Variants in LYAR observed in about 807,000 individuals in gnomAD.
LYAR encodes the protein Ly1 antibody reactive.
Under a neutral mutation model 45.2 loss-of-function variants are expected in LYAR, and 37 were observed. The observed-to-expected ratio is 0.82, with a 90% CI of 0.63 to 1.08. LYAR has a LOEUF of 1.08. Among genes scored for constraint, LYAR ranks in the 50% least tolerant of loss-of-function variants. The probability of loss-of-function intolerance (pLI) is 0.00; values close to 1 mark genes in which losing one functional copy is unlikely to be tolerated. For missense variants in LYAR, 493 were observed against 451.0 expected (o/e 1.09, Z -0.84); for synonymous variants, 176 against 155.1 (o/e 1.14, Z -1.00).
At position 4,267,919 on chromosome 4, in the gene LYAR, T is replaced by C. The variant is rs1718778125; in HGVS notation, c.1110A>G (p.Leu370=). The change falls in exon 10 of 10, where the codon TTA becomes TTG. Residue 370 remains leucine (L), a synonymous_variant. Coordinates refer to ENST00000343470, the MANE Select transcript of LYAR (RefSeq NM_017816.3). ...TCACAAGCTTGACTTTGTCCTTTAATAACTTAAAGGTAGGGTTCTTGCTGA... is the reference window on the plus strand; with the variant it reads ...TCACAAGCTTGACTTTGTCCTTTAACAACTTAAAGGTAGGGTTCTTGCTGA... ...KKISKNPTFK[L]LKDKVKLVK is the part of the protein sequence containing the mutation. 1 of 1,611,846 alleles carries C rather than the reference T, an allele frequency of 6.2e-7. No individual in the cohort carries two copies. Among genetic ancestry groups the C allele is most frequent in the Non-Finnish European group, 8.5e-7 (1 of 1,179,012 alleles).
chr4:4,286,421 C>G (rs1329410327), intron 2 of LYAR, 98 bp downstream of exon 2: 1 of 152,142 alleles, frequency 6.6e-6, no homozygotes, highest in African/African-American at 2.4e-5. Context: ...AGCGTAAATG[C>G]TACAAACTTA....
intron 6 of LYAR, among the ~76,000 whole-genome samples, chr4:4,277,491 C>A (rs1362777975): frequency 6.6e-6 from 1 of 152,170 alleles, no homozygotes; most frequent in East Asian, 1.9e-4. Flanking sequence ...ACACATTTAC[C>A]CATCTGGTAG....
intron 9 of LYAR, 45 bp from the exon 10 acceptor site, chr4:4,268,068 T>C (rs1387578829): frequency 1.3e-6 from 2 of 1,496,980 alleles, no homozygotes; most frequent in East Asian, 4.9e-5. Context: ...ACCTGGAAAA[T>C]TATCTTAAAA....
At chr4:4,273,701 G>C (rs778085278) in intron 7 of LYAR, 32 bp from the exon 8 acceptor site, 2 of 1,421,814 alleles carry the variant, frequency 1.4e-6, no homozygotes, top group South Asian at 2.3e-5. Context: ...TTTTAAAGAA[G>C]ATTTTGCATT....
intron 2 of LYAR, among the ~76,000 whole-genome samples, chr4:4,285,411 C>T (rs1422728929): frequency 1.3e-5 from 2 of 151,684 alleles, no homozygotes; most frequent in Non-Finnish European, 3.0e-5. Context: ...TCAAAGCTTA[C>T]CATTCTAAAA....
At chr4:4,278,519 C>T (rs1719277647) in intron 6 of LYAR, among the ~76,000 whole-genome samples, 1 of 152,186 alleles carries the variant, frequency 6.6e-6, no homozygotes, top group African/African-American at 2.4e-5. Context: ...GAAGGCGCTT[C>T]AAGCACACTG....
rs1185512727 is a variant in LYAR at position 4,283,725 on chromosome 4, G to A, written c.18C>T (p.Cys6=). The change falls in exon 3 of 10, where the codon TGC becomes TGT. Residue 6 remains cysteine, a synonymous_variant. Transcript: ENST00000343470. MVFFT[C]NACGESVKKI... ...TCTTCACTGATTCACCACATGCATT[G>A]CATGTAAAAAATACCATTTTTAGGT... The A allele has an allele frequency of 1.2e-6, 2 of 1,611,200 alleles. No individual in the cohort carries two copies. The highest frequency in any genetic ancestry group is 1.7e-6 in the Non-Finnish European group (2 of 1,179,190).
intron 1 of LYAR, chr4:4,289,553 A>G (rs150665823): frequency 1.1e-3 from 167 of 152,390 alleles, no homozygotes; most frequent in African/African-American, 3.9e-3. Flanking sequence ...TAGATTCTAT[A>G]TGTTATGACA....
intron 8 of LYAR, among the ~76,000 whole-genome samples, chr4:4,272,071 G>T (rs1015194137): frequency 2.0e-5 from 3 of 152,190 alleles, no homozygotes; most frequent in Non-Finnish European, 4.4e-5. Context: ...AGGCTAAGGA[G>T]GGGGTGGGGG....
intron 6 of LYAR, among the ~76,000 whole-genome samples, 160 bp downstream of exon 6, chr4:4,279,287 G>A (rs1002025390): frequency 3.3e-5 from 5 of 152,084 alleles, no homozygotes; most frequent in South Asian, 2.1e-4. Flanking sequence ...AGCCACGATC[G>A]CACCACTGCA....
At chr4:4,275,463 G>A (rs1055725397) in intron 6 of LYAR, among the ~76,000 whole-genome samples, 9 of 149,668 alleles carry the variant, frequency 6.0e-5, no homozygotes, top group Admixed American at 1.3e-4. Context: ...AATGGGGACA[G>A]GGGTCTTGCT....
chr4:4,275,371 ACT>A (rs1196185934), intron 6 of LYAR, among the ~76,000 whole-genome samples: 1 of 152,032 alleles, frequency 6.6e-6, no homozygotes, highest in Non-Finnish European at 1.5e-5. Flanking sequence ...AGAAAATGGT[ACT>A]GTTATTATCA....
chr4:4,274,380 C>G lies in LYAR; in HGVS notation c.819G>C (p.Arg273=). 1 of 1,610,562 alleles carries G rather than the reference C, an allele frequency of 6.2e-7. No individual in the cohort carries two copies. Among genetic ancestry groups the G allele is most frequent in the African/African-American group, 1.3e-5 (1 of 74,918 alleles). Residue 273 remains arginine, a synonymous_variant, in exon 7 of 10, where the codon CGG becomes CGC. Transcript: ENST00000343470. The part of the protein sequence containing the change: ...EARVGAGKRK[R]RHSEVETDSK... The stretch of plus-strand genomic sequence containing the variant: ...CTAGCCACTTACCTTCCGAGTGCCT[C>G]CGCTTCCTCTTCCCTGCGCCCACGC...
chr4:4,279,345 TA>T, intron 6 of LYAR, 101 bp downstream of exon 6: 1 of 811,088 alleles, frequency 1.2e-6, no homozygotes, highest in Non-Finnish European at 2.0e-6. Context: ...AAAATAAAAA[TA>T]AAAAAGAAGG....
intron 8 of LYAR, among the ~76,000 whole-genome samples, chr4:4,271,838 C>T (rs1013071387): frequency 1.3e-5 from 2 of 152,130 alleles, no homozygotes; most frequent in Admixed American, 6.5e-5. Flanking sequence ...TAGAAACCAC[C>T]CAGGTGTCCC....
At chr4:4,279,584 C>G in intron 5 of LYAR, 54 bp from the exon 6 acceptor site, 1 of 1,554,748 alleles carries the variant, frequency 6.4e-7, no homozygotes, top group Non-Finnish European at 8.9e-7. Context: ...CAGGTACACA[C>G]AAGCTCAGTC....
In LYAR at chr4:4,268,522, T is replaced by G. The variant is rs1214335373; in HGVS notation, c.1005+8A>C. ...TGTTAGACACGTGGGTTTGTTCATA[T>G]GCCATACCTTTTTCCTTAGCTTTTT... On this transcript the variant is annotated splice_region_variant and intron_variant, in intron 9 of 9. Transcript: ENST00000343470. The G allele has an allele frequency of 1.9e-6, 3 of 1,598,322 alleles. No homozygotes were observed. Among genetic ancestry groups the G allele is most frequent in the Non-Finnish European group, 2.6e-6 (3 of 1,167,492 alleles).
chr4:4,282,022 AC>A, intron 3 of LYAR, 125 bp from the exon 4 acceptor site: 1 of 616,086 alleles, frequency 1.6e-6, no homozygotes, highest in Non-Finnish European at 2.9e-6. Flanking sequence ...TCACACAAGC[AC>A]CCCATCTATT....
At chr4:4,289,893 C>G (rs1205535283) in intron 1 of LYAR, 143 bp downstream of exon 1, 1 of 152,280 alleles carries the variant, frequency 6.6e-6, no homozygotes, top group African/African-American at 2.4e-5. Context: ...CCTGCCACTT[C>G]CCCAGAGCAG....
Sources: gnomAD v4.1 joint callset for allele counts (sites outside exome capture counted in the v4.1 genomes callset) on GRCh38, gnomAD v4.1.1 for gene constraint, MANE v1.5 for transcripts, NCBI Gene and HGNC (gene_info 2026-07-23, HGNC 2026-07-21) for gene names.